The following PPP2R2A variants were observed in gnomAD, a reference collection of about 807,000 sequenced individuals.
PPP2R2A encodes the protein protein phosphatase 2 regulatory subunit Balpha.
A neutral mutation model predicts 53.2 loss-of-function variants in PPP2R2A; 9 were observed. That is an observed-to-expected ratio of 0.17 (90% CI 0.10 to 0.30). The LOEUF (loss-of-function observed/expected upper bound fraction) is 0.30, where lower values mean the gene tolerates loss of function less well. PPP2R2A is among the 10% of genes least tolerant of loss of function. PPP2R2A has a pLI of 1.00. For synonymous variants in PPP2R2A, 169 were observed against 174.2 expected (o/e 0.97, Z 0.23); for missense variants, 235 against 534.6 (o/e 0.44, Z 5.53).
intron 3 of PPP2R2A, among the ~76,000 whole-genome samples, chr8:26,344,119 A>G (rs1197015583): frequency 6.6e-6 from 1 of 152,232 alleles, no homozygotes; most frequent in African/African-American, 2.4e-5. Context: ...TTTCTACTGC[A>G]TGGCTTTGCC....
intron 2 of PPP2R2A, among the ~76,000 whole-genome samples, chr8:26,310,413 C>T (rs2117230698): frequency 6.7e-6 from 1 of 150,100 alleles, no homozygotes; most frequent in Non-Finnish European, 1.5e-5. Flanking sequence ...TTTTCCACAG[C>T]AAATATGTAT....
intron 8 of PPP2R2A, among the ~76,000 whole-genome samples, chr8:26,364,904 G>A (rs1171683676): frequency 3.3e-5 from 5 of 152,244 alleles, no homozygotes; most frequent in South Asian, 2.1e-4. Context: ...TGTGGGTTCC[G>A]CAGGGCTAAC....
intron 2 of PPP2R2A, among the ~76,000 whole-genome samples, chr8:26,329,821 A>C (rs1255631439): frequency 6.6e-6 from 1 of 152,192 alleles, no homozygotes; most frequent in African/African-American, 2.4e-5. Flanking sequence ...TTATACTTTG[A>C]AATGTTGGGA....
chr8:26,355,928 G>A (rs553161036), intron 4 of PPP2R2A, among the ~76,000 whole-genome samples: 1 of 151,952 alleles, frequency 6.6e-6, no homozygotes, highest in South Asian at 2.1e-4. Context: ...TTTATGATGA[G>A]TTGGGTGCTT....
chr8:26,307,025 G>A (rs1802056841), intron 2 of PPP2R2A, among the ~76,000 whole-genome samples: 1 of 152,112 alleles, frequency 6.6e-6, no homozygotes, highest in Non-Finnish European at 1.5e-5. Flanking sequence ...CTTGAAAGTA[G>A]GAAAATGTAT....
At chr8:26,292,443 T>C (rs1446407072) in intron 1 of PPP2R2A, 9 of 984,708 alleles carry the variant, frequency 9.1e-6, no homozygotes, top group Non-Finnish European at 1.1e-5. Flanking sequence ...GCCTTTCATG[T>C]ACAGCAAGTT....
intron 3 of PPP2R2A, among the ~76,000 whole-genome samples, chr8:26,342,400 C>G (rs1474701178): frequency 6.6e-6 from 1 of 152,164 alleles, no homozygotes; most frequent in Non-Finnish European, 1.5e-5. Context: ...GGAGAAGAGT[C>G]CAAACAGCTA....
rs1704163109 is a variant in PPP2R2A at position 26,314,587 on chromosome 8, A to G, written c.82+20847A>G. Among the ~76,000 whole-genome samples the G allele has an allele frequency of 2.0e-5, 3 of 152,152 alleles. No individual in the cohort carries two copies. In the South Asian group the frequency reaches 6.2e-4, roughly 31 times the overall value. Reference sequence around the variant, plus strand: ...TGCCTGGAAGAGATGTCTTTATTCTACTTCCACACTTTCAAGTTTGGCTGG... The same window carrying G: ...TGCCTGGAAGAGATGTCTTTATTCTGCTTCCACACTTTCAAGTTTGGCTGG... On this transcript the variant is annotated intron_variant, in intron 2 of 9. Coordinates refer to ENST00000380737, the MANE Select transcript of PPP2R2A (RefSeq NM_002717.4).
intron 2 of PPP2R2A, among the ~76,000 whole-genome samples, chr8:26,294,746 GCCGAACT>G (rs1445329227): frequency 6.6e-6 from 1 of 152,058 alleles, no homozygotes; most frequent in African/African-American, 2.4e-5. Context: ...GTGGGTGGTA[GCCGAACT>G]CTCTTATTTG....
chr8:26,291,656 C>G lies in PPP2R2A; in HGVS notation c.-164C>G. On this transcript the variant is annotated 5_prime_UTR_variant, in exon 1 of 10. Transcript: ENST00000380737. ...GAAATCTAGCATCCTGCCGGCTGGTCTGCCCGCCCCTCCTTCCTTTTCCCC... is the reference window on the plus strand; with the variant it reads ...GAAATCTAGCATCCTGCCGGCTGGTGTGCCCGCCCCTCCTTCCTTTTCCCC... 1.5e-6 allele frequency: 1 copy of G among 659,574 alleles called. No individual in the cohort carries two copies. The highest frequency in any genetic ancestry group is 2.6e-6 in the Non-Finnish European group (1 of 390,506). 40.9% of individuals were successfully genotyped at this position (659,574 alleles called of 1,614,324 possible).
intron 2 of PPP2R2A, among the ~76,000 whole-genome samples, chr8:26,308,638 A>T (rs1263087925): frequency 6.6e-6 from 1 of 152,136 alleles, no homozygotes; most frequent in Admixed American, 6.5e-5. Flanking sequence ...TTCTGCAGTT[A>T]CTTCCTACAT....
At chr8:26,292,714 T>C (rs1181003459) in intron 1 of PPP2R2A, among the ~76,000 whole-genome samples, 1 of 152,196 alleles carries the variant, frequency 6.6e-6, no homozygotes, top group African/African-American at 2.4e-5. Context: ...ATTCTTTTTG[T>C]ACATGTTGGT....
chr8:26,339,899 A>C (rs368282513), intron 3 of PPP2R2A: 1 of 152,102 alleles, frequency 6.6e-6, no homozygotes, highest in Non-Finnish European at 1.5e-5. Flanking sequence ...TTGCACTTCT[A>C]TAGCGCCTTT....
intron 2 of PPP2R2A, among the ~76,000 whole-genome samples, chr8:26,305,663 A>G (rs927642295): frequency 7.9e-5 from 12 of 152,160 alleles, no homozygotes; most frequent in Admixed American, 2.6e-4. Context: ...TTTTATTGAA[A>G]TAAACATTTC....
chr8:26,306,967 T>G (rs1269932787), intron 2 of PPP2R2A, among the ~76,000 whole-genome samples: 1 of 152,254 alleles, frequency 6.6e-6, no homozygotes, highest in African/African-American at 2.4e-5. Context: ...AGAAGTATTT[T>G]ATTTTGTATT....
At chr8:26,308,964 G>A (rs1802150863) in intron 2 of PPP2R2A, among the ~76,000 whole-genome samples, 1 of 152,078 alleles carries the variant, frequency 6.6e-6, no homozygotes, top group Admixed American at 6.6e-5. Context: ...GGGCTCAGGT[G>A]ATTCTCCTGC....
rs17309571 is a variant in PPP2R2A, at chr8:26,362,158, A to C, written c.638-526A>C. 0.24 allele frequency among the ~76,000 whole-genome samples: 36,740 copies of C among 151,410 alleles called. 5,382 individuals carry two copies. Among genetic ancestry groups the C allele is most frequent in the Non-Finnish European group, 0.32 (22,014 of 67,798 alleles). ...ACGATTAGATTAAGATTAGAAAAAG[A>C]AATTCACGCAAGTCATGATGCATGA... is the stretch of plus-strand genomic sequence containing the variant. On this transcript the variant is annotated intron_variant, in intron 6 of 9. Coordinates refer to ENST00000380737, the MANE Select transcript of PPP2R2A (RefSeq NM_002717.4). This position sits in a 1 kb window ranked among gnomAD's most constrained non-coding sequence, Gnocchi z 4.4.
chr8:26,299,277 A>G (rs1801679027), intron 2 of PPP2R2A, among the ~76,000 whole-genome samples: 1 of 151,812 alleles, frequency 6.6e-6, no homozygotes, highest in African/African-American at 2.4e-5. Flanking sequence ...AAAAAAAGGA[A>G]CAACTTAACC....
chr8:26,308,726 T>C (rs1802135888), intron 2 of PPP2R2A, among the ~76,000 whole-genome samples: 1 of 152,214 alleles, frequency 6.6e-6, no homozygotes, highest in African/African-American at 2.4e-5. Flanking sequence ...GTTGATATTT[T>C]GACATCCTCC....
Sources: allele counts gnomAD v4.1 joint callset (sites outside exome capture counted in the v4.1 genomes callset), GRCh38; gene constraint gnomAD v4.1.1; non-coding constraint Gnocchi (gnomAD v3.1); transcripts MANE v1.5; gene names NCBI Gene and HGNC (gene_info 2026-07-23, HGNC 2026-07-21).